Variants in RBFOX1 observed in about 807,000 individuals in gnomAD.
The protein encoded by RBFOX1 is RNA binding fox-1 homolog 1, also known as RNA binding protein fox-1 homolog 1.
In RBFOX1, 8 loss-of-function variants were observed where a neutral mutation model predicts 57.7. The observed-to-expected ratio is 0.14, with a 90% CI of 0.08 to 0.25. RBFOX1 has a LOEUF of 0.25. Ranked by LOEUF, RBFOX1 falls within the 10% of genes least tolerant of loss-of-function variation. The pLI is 1.00. For missense variants in RBFOX1, 611 were observed against 548.5 expected (o/e 1.11, Z -1.14); for synonymous variants, 326 against 222.4 (o/e 1.47, Z -4.15).
chr16:7,710,084 T>G, intron 15 of RBFOX1: 6 of 1,000,572 alleles, frequency 6.0e-6, no homozygotes, highest in Non-Finnish European at 7.1e-6. Context: ...TTTGGAAGCA[T>G]TGTTTTGCAC....
chr16:7,685,595 AG>A (rs1425227568), intron 14 of RBFOX1, among the ~76,000 whole-genome samples: 2 of 152,128 alleles, frequency 1.3e-5, no homozygotes, highest in Non-Finnish European at 2.9e-5. Context: ...AAACTGAAAG[AG>A]GTGGTGCAAA....
chr16:5,770,307 C>G (rs545638441), intron 3 of RBFOX1, among the ~76,000 whole-genome samples: 2 of 151,594 alleles, frequency 1.3e-5, no homozygotes, highest in Non-Finnish European at 2.9e-5. Flanking sequence ...TGATCTCTAG[C>G]TGCCCTCACT....
chr16:7,046,816 G>C (rs1378600487), intron 3 of RBFOX1, among the ~76,000 whole-genome samples: 2 of 151,932 alleles, frequency 1.3e-5, no homozygotes, highest in African/African-American at 4.8e-5. Flanking sequence ...GTGTTGACCA[G>C]ACTGGTCTTG....
intron 4 of RBFOX1, among the ~76,000 whole-genome samples, chr16:7,300,034 T>C (rs1007485484): frequency 2.0e-4 from 30 of 152,184 alleles, no homozygotes; most frequent in African/African-American, 7.2e-4. Context: ...AGGGGCTTTC[T>C]TGAAGCTGAA....
intron 3 of RBFOX1, among the ~76,000 whole-genome samples, chr16:6,775,041 C>A (rs1454378336): frequency 6.6e-6 from 1 of 151,580 alleles, no homozygotes; most frequent in Non-Finnish European, 1.5e-5. Flanking sequence ...AAAATGTAGA[C>A]AAGGCAGGGC....
intron 2 of RBFOX1, among the ~76,000 whole-genome samples, chr16:5,481,507 C>T (rs1047020426): frequency 6.6e-6 from 1 of 152,116 alleles, no homozygotes; most frequent in Non-Finnish European, 1.5e-5. Flanking sequence ...TACTACTTGT[C>T]TGTATTTTTG....
intron 3 of RBFOX1, among the ~76,000 whole-genome samples, chr16:6,810,027 C>CTTT (rs71145299): frequency 5.3e-4 from 75 of 142,664 alleles, no homozygotes; most frequent in East Asian, 2.1e-3. Flanking sequence ...TCTCTCTCAC[C>CTTT]TTTTTTTTTT....
chr16:5,743,092 C>G (rs1371528524), intron 3 of RBFOX1, among the ~76,000 whole-genome samples: 1 of 152,128 alleles, frequency 6.6e-6, no homozygotes, highest in African/African-American at 2.4e-5. Context: ...GATTTTAATT[C>G]TCACAATCAC....
intron 14 of RBFOX1, among the ~76,000 whole-genome samples, chr16:7,687,169 CCA>C (rs1235615503): frequency 3.9e-5 from 6 of 151,916 alleles, no homozygotes; most frequent in African/African-American, 1.5e-4. Flanking sequence ...CTACAATTTG[CCA>C]CAGTGTATTG....
rs2077380304 is a variant in RBFOX1, at chr16:6,290,651, G to C, written c.-126-26344G>C. ...GAATTTAGCACACATGGGCGAAAAA[G>C]GAAATTTTACGTATCAGGTGTTCAG... is the stretch of plus-strand genomic sequence containing the variant. On this transcript the variant is annotated intron_variant, in intron 1 of 15. Transcript: ENST00000550418. Among the ~76,000 whole-genome samples, 3 of 152,144 alleles carry C rather than the reference G, an allele frequency of 2.0e-5. No individual in the cohort carries two copies. The South Asian group carries it at 6.2e-4, about 31-fold the overall frequency.
rs967522479 is a variant in RBFOX1 at position 7,113,945 on chromosome 16, T to C, written c.27+61847T>C. Among the ~76,000 whole-genome samples, 3 of 152,262 alleles carry C rather than the reference T, an allele frequency of 2.0e-5. No homozygotes were observed. In the East Asian group the frequency reaches 5.8e-4, roughly 29 times the overall value. On this transcript the variant is annotated intron_variant, in intron 4 of 15. Transcript: ENST00000550418. ...GATATATTCCTAGAAGTAGAATACT[T>C]GAGCTTTAAAAAAAATCACTTGTGC...
intron 3 of RBFOX1, among the ~76,000 whole-genome samples, chr16:6,895,037 C>G (rs761047324): frequency 6.6e-6 from 1 of 152,268 alleles, no homozygotes; most frequent in East Asian, 1.9e-4. Context: ...TTCTTACCAG[C>G]TTCAAATGCT....
chr16:7,152,138 A>T (rs558990194), intron 4 of RBFOX1, among the ~76,000 whole-genome samples: 1 of 152,176 alleles, frequency 6.6e-6, no homozygotes, highest in Non-Finnish European at 1.5e-5. Context: ...GAAGGTGTCA[A>T]TTCTGTTTGG....
intron 3 of RBFOX1, among the ~76,000 whole-genome samples, chr16:6,908,574 C>G (rs185175973): frequency 1.3e-5 from 2 of 152,218 alleles, no homozygotes; most frequent in African/African-American, 2.4e-5. Context: ...CATGTCTTAT[C>G]CATGTGCCTG....
At chr16:7,199,527 C>G (rs1239114262) in intron 4 of RBFOX1, among the ~76,000 whole-genome samples, 1 of 152,150 alleles carries the variant, frequency 6.6e-6, no homozygotes, top group Non-Finnish European at 1.5e-5. Context: ...TGTGTATACT[C>G]ATGTTCAGAG....
chr16:5,816,463 C>T (rs2151793501), intron 3 of RBFOX1, among the ~76,000 whole-genome samples: 1 of 152,270 alleles, frequency 6.6e-6, no homozygotes, highest in African/African-American at 2.4e-5. Flanking sequence ...ATTCCATAGC[C>T]TCTCATGAAA....
intron 2 of RBFOX1, among the ~76,000 whole-genome samples, chr16:5,507,851 C>T (rs1263651720): frequency 6.6e-6 from 1 of 152,194 alleles, no homozygotes; most frequent in Non-Finnish European, 1.5e-5. Flanking sequence ...AGGAGGGTCT[C>T]TTCCTAGAGC....
rs533203427 is a variant in RBFOX1 at position 5,974,524 on chromosome 16, C to T, written c.351+107189C>T. 4.1e-4 allele frequency among the ~76,000 whole-genome samples: 62 copies of T among 151,924 alleles called. 1 individual carries two copies. Among genetic ancestry groups the T allele is most frequent in the African/African-American group, 1.3e-3 (54 of 41,434 alleles). On this transcript the variant is annotated intron_variant, in intron 4 of 19. Transcript: ENST00000641259. ...ACTCGGGAGGCTGAGGCAGGAGAAT[C>T]ACTCGAACCCGGGAGGCGGAGGTTG...
At chr16:6,284,526 A>G (rs150771978) in intron 1 of RBFOX1, among the ~76,000 whole-genome samples, 117 of 152,318 alleles carry the variant, frequency 7.7e-4, no homozygotes, top group Non-Finnish European at 1.0e-3. Flanking sequence ...CATTCATTTA[A>G]TGCCATTTTT....
Sources: gnomAD v4.1 joint callset for allele counts (sites outside exome capture counted in the v4.1 genomes callset) on GRCh38, gnomAD v4.1.1 for gene constraint, MANE v1.5 for transcripts, NCBI Gene and HGNC (gene_info 2026-07-23, HGNC 2026-07-21) for gene names.